DOCK2: variants seen among roughly 807,000 people sequenced by gnomAD.
DOCK2 encodes the protein dedicator of cytokinesis protein 2.
Under a neutral mutation model 248.9 loss-of-function variants are expected in DOCK2, and 87 were observed. The observed-to-expected ratio is 0.35, with a 90% CI of 0.29 to 0.42. The LOEUF (loss-of-function observed/expected upper bound fraction) is 0.42. Among genes scored for constraint, DOCK2 ranks in the 10% least tolerant of loss-of-function variants. The pLI is 1.00. For missense variants in DOCK2, 1,747 were observed against 2,300.2 expected (o/e 0.76, Z 4.92); for synonymous variants, 805 against 821.6 (o/e 0.98, Z 0.35).
At chr5:169,776,401 G>A (rs182711832) in intron 25 of DOCK2, among the ~76,000 whole-genome samples, 85 of 152,118 alleles carry the variant, frequency 5.6e-4, no homozygotes, top group African/African-American at 1.9e-3. Flanking sequence ...CTAGCCTCAA[G>A]TGATTCTTCC....
chr5:170,016,635 G>A (rs1201138423), intron 32 of DOCK2, among the ~76,000 whole-genome samples: 1 of 152,188 alleles, frequency 6.6e-6, no homozygotes, highest in African/African-American at 2.4e-5. Flanking sequence ...CGGGTCTACA[G>A]CATGTCTGCC....
chr5:169,870,278 TCCAG>T (rs2113453614), intron 27 of DOCK2, among the ~76,000 whole-genome samples: 1 of 152,302 alleles, frequency 6.6e-6, no homozygotes, highest in South Asian at 2.1e-4. Flanking sequence ...AGATCAGTGC[TCCAG>T]CCATCATGCT....
At chr5:169,708,981 G>T (rs1761434233) in intron 15 of DOCK2, among the ~76,000 whole-genome samples, 1 of 152,242 alleles carries the variant, frequency 6.6e-6, no homozygotes, top group Admixed American at 6.5e-5. Flanking sequence ...CCTTGGGCAA[G>T]TCATTCACCT....
chr5:169,931,702 G>A (rs1158194127), intron 27 of DOCK2, among the ~76,000 whole-genome samples: 2 of 152,176 alleles, frequency 1.3e-5, no homozygotes. Context: ...TGAGGAAGGT[G>A]AAGTTCCTAG....
chr5:169,677,711 T>C (rs1283603452), intron 6 of DOCK2, among the ~76,000 whole-genome samples: 1 of 152,234 alleles, frequency 6.6e-6, no homozygotes, highest in African/African-American at 2.4e-5. Context: ...TCTCCTTTTG[T>C]AATGAAGTGC....
intron 46 of DOCK2, 150 bp from the exon 47 acceptor site, chr5:170,075,797 T>C (rs1757819391): frequency 1.0e-6 from 1 of 997,238 alleles, no homozygotes; most frequent in African/African-American, 1.6e-5. Flanking sequence ...TTCCCATGGC[T>C]GGGGACCGTG....
At chr5:169,945,728 C>G (rs1776423201) in intron 27 of DOCK2, among the ~76,000 whole-genome samples, 1 of 152,184 alleles carries the variant, frequency 6.6e-6, no homozygotes, top group Non-Finnish European at 1.5e-5. Context: ...TTCTTTCAGC[C>G]TGCAGAACAC....
At chr5:169,687,380 T>C (rs1319909251) in intron 8 of DOCK2, among the ~76,000 whole-genome samples, 4 of 152,200 alleles carry the variant, frequency 2.6e-5, no homozygotes, top group Non-Finnish European at 5.9e-5. Flanking sequence ...TCATTTTTGC[T>C]ATTGGCCCCA....
chr5:169,969,521 C>T (rs746062799), intron 27 of DOCK2, among the ~76,000 whole-genome samples: 2 of 152,148 alleles, frequency 1.3e-5, no homozygotes, highest in Non-Finnish European at 2.9e-5. Context: ...TTTGCAAATA[C>T]CAAATAGTGA....
At chr5:169,777,242 T>C (rs17669654) in intron 25 of DOCK2, among the ~76,000 whole-genome samples, 25,731 of 152,094 alleles carry the variant, frequency 0.17, 2,993 homozygotes, top group East Asian at 0.44. Context: ...GTGTTGTCCT[T>C]GAGTTAAGGA....
At chr5:170,059,198 A>C (rs1581564867) in intron 44 of DOCK2, among the ~76,000 whole-genome samples, 1 of 142,264 alleles carries the variant, frequency 7.0e-6, no homozygotes, top group East Asian at 2.1e-4. Context: ...CCCAGCAAGT[A>C]GTACCCCCAA....
chr5:169,780,346 C>T lies in DOCK2; in HGVS notation c.2554+18721C>T, dbSNP rs186684806. On this transcript the variant is annotated intron_variant, in intron 25 of 51. Coordinates refer to ENST00000520908, the MANE Select transcript of DOCK2 (RefSeq NM_004946.3). Reference sequence around the variant, plus strand: ...GTGTGTGTGTGTGTGTGTGTTGAATCGTTCTAACACACCTTCCAAAATGCA... The same window carrying T: ...GTGTGTGTGTGTGTGTGTGTTGAATTGTTCTAACACACCTTCCAAAATGCA... Among the ~76,000 whole-genome samples the T allele has an allele frequency of 3.4e-3, 497 of 148,184 alleles. 1 individual carries two copies. The highest frequency in any genetic ancestry group is 4.2e-3 in the Non-Finnish European group (284 of 67,582).
intron 27 of DOCK2, among the ~76,000 whole-genome samples, chr5:169,958,752 C>T (rs1299812004): frequency 6.6e-6 from 1 of 152,160 alleles, no homozygotes; most frequent in African/African-American, 2.4e-5. Flanking sequence ...CAATAGAGGG[C>T]ATTCAGGCAG....
chr5:169,909,202 G>T (rs1021889350), intron 27 of DOCK2, among the ~76,000 whole-genome samples: 144 of 152,260 alleles, frequency 9.5e-4, no homozygotes, highest in Admixed American at 9.3e-3. Flanking sequence ...TGGGAACCTT[G>T]TACCACATGA....
intron 30 of DOCK2, among the ~76,000 whole-genome samples, chr5:169,999,213 G>A (rs1754750363): frequency 6.6e-6 from 1 of 152,122 alleles, no homozygotes; most frequent in South Asian, 2.1e-4. Context: ...AGAGATTGAG[G>A]GTTTCATACA....
Position 169,689,299 on chromosome 5 carries a change from T to G in DOCK2, c.809T>G (p.Ile270Ser). ...RWGSRGFPKE[I>S]EMLNNLKVVF... is the part of the protein sequence containing the mutation. ...GGCAGCCGGGGCTTCCCTAAGGAGATTGAGATGCTCAACAATCTGAAGGTG... is the reference window on the plus strand; with the variant it reads ...GGCAGCCGGGGCTTCCCTAAGGAGAGTGAGATGCTCAACAATCTGAAGGTG... Residue 270 changes from isoleucine to serine, a missense_variant, in exon 9 of 52, where the codon ATT becomes AGT. This residue lies in a region of DOCK2 where 375 missense variants were observed against 510.9 expected (regional missense o/e 0.73). Coordinates refer to ENST00000520908, the MANE Select transcript of DOCK2 (RefSeq NM_004946.3). The G allele has an allele frequency of 6.2e-7, 1 of 1,614,062 alleles. No homozygotes were observed. Among genetic ancestry groups the G allele is most frequent in the Non-Finnish European group, 8.5e-7 (1 of 1,179,978 alleles).
intron 27 of DOCK2, among the ~76,000 whole-genome samples, chr5:169,882,035 C>T (rs534858448): frequency 6.6e-6 from 1 of 152,264 alleles, no homozygotes; most frequent in East Asian, 1.9e-4. Flanking sequence ...GAATTGTGAT[C>T]TCATTTCAGT....
chr5:169,808,622 C>G (rs554852170), intron 26 of DOCK2, among the ~76,000 whole-genome samples: 19 of 152,270 alleles, frequency 1.2e-4, no homozygotes, highest in African/African-American at 4.3e-4. Flanking sequence ...GTTGTCAACT[C>G]CAGTTACTTT....
At chr5:169,935,398 C>G (rs1251560472) in intron 27 of DOCK2, among the ~76,000 whole-genome samples, 2 of 152,174 alleles carry the variant, frequency 1.3e-5, no homozygotes, top group Non-Finnish European at 2.9e-5. Flanking sequence ...AATGCCCTAG[C>G]TTTCTTTCTC....
Sources: gnomAD v4.1 joint callset for allele counts (sites outside exome capture counted in the v4.1 genomes callset) on GRCh38, gnomAD v4.1.1 for gene constraint, gnomAD v4.1.1 regional missense constraint, MANE v1.5 for transcripts, NCBI Gene and HGNC (gene_info 2026-07-23, HGNC 2026-07-21) for gene names.